Variants in SAMMSON observed in about 807,000 individuals in gnomAD.
The protein encoded by SAMMSON is long intergenic non-protein coding RNA 1212.
intron 7 of SAMMSON, among the ~76,000 whole-genome samples, chr3:70,295,776 A>T (rs1344092981): frequency 6.6e-6 from 1 of 152,178 alleles, no homozygotes. Context: ...ATATCTTTTG[A>T]TTCATGTTGA....
At chr3:70,005,116 G>T (rs190315858) in intron 1 of SAMMSON, among the ~76,000 whole-genome samples, 1 of 152,228 alleles carries the variant, frequency 6.6e-6, no homozygotes, top group Admixed American at 6.5e-5. Context: ...AAATTTCATT[G>T]AAGGGAAGAG....
chr3:70,429,188 A>G (rs879436406), intron 2 of SAMMSON, among the ~76,000 whole-genome samples: 11 of 152,126 alleles, frequency 7.2e-5, no homozygotes, highest in Admixed American at 7.2e-4. Flanking sequence ...GCATATGGCT[A>G]GCCAGTTTTC....
chr3:70,253,724 A>T (rs1343156942), intron 6 of SAMMSON, among the ~76,000 whole-genome samples: 1 of 152,172 alleles, frequency 6.6e-6, no homozygotes, highest in Non-Finnish European at 1.5e-5. Context: ...CCCCAACTCT[A>T]AAAAAAGTAA....
At chr3:70,196,284 C>T (rs2106715857) in intron 4 of SAMMSON, among the ~76,000 whole-genome samples, 1 of 152,262 alleles carries the variant, frequency 6.6e-6, no homozygotes, top group East Asian at 1.9e-4. Context: ...AATTATAGTA[C>T]TCTCTTGAAG....
intron 9 of SAMMSON, among the ~76,000 whole-genome samples, chr3:70,387,371 G>A (rs1041432876): frequency 6.6e-6 from 1 of 151,954 alleles, no homozygotes; most frequent in African/African-American, 2.4e-5. Context: ...TTATGAAGGA[G>A]ACTCTGTCCT....
At chr3:70,265,797 A>C (rs1701911629) in intron 6 of SAMMSON, among the ~76,000 whole-genome samples, 2 of 152,172 alleles carry the variant, frequency 1.3e-5, no homozygotes, top group Non-Finnish European at 2.9e-5. Context: ...GATGGGAGGC[A>C]CCTCTTCACA....
At chr3:70,153,988 CATA>C (rs1350068145) in intron 4 of SAMMSON, among the ~76,000 whole-genome samples, 2 of 151,878 alleles carry the variant, frequency 1.3e-5, no homozygotes, top group Admixed American at 6.6e-5. Flanking sequence ...TTTCACTTAG[CATA>C]ATGTCTTGAA....
At chr3:70,323,753 T>G (rs933961351) in intron 7 of SAMMSON, among the ~76,000 whole-genome samples, 2 of 152,150 alleles carry the variant, frequency 1.3e-5, no homozygotes, top group Non-Finnish European at 2.9e-5. Context: ...CCTTTTCTGC[T>G]GGCATACCTT....
At chr3:70,313,194 T>C (rs1055995886) in intron 7 of SAMMSON, among the ~76,000 whole-genome samples, 1 of 152,220 alleles carries the variant, frequency 6.6e-6, no homozygotes, top group Non-Finnish European at 1.5e-5. Context: ...CCAGACATGG[T>C]GGCTCACGCC....
At chr3:70,275,797 G>C (rs1199627568) in intron 6 of SAMMSON, among the ~76,000 whole-genome samples, 4 of 152,092 alleles carry the variant, frequency 2.6e-5, no homozygotes, top group African/African-American at 9.7e-5. Flanking sequence ...GCTATATGAG[G>C]ACCTGGTAAA....
chr3:70,170,065 G>A (rs1312930042), intron 4 of SAMMSON, among the ~76,000 whole-genome samples: 1 of 151,836 alleles, frequency 6.6e-6, no homozygotes, highest in Non-Finnish European at 1.5e-5. Context: ...ATTAAATACT[G>A]GAATAACTTG....
chr3:70,213,345 T>C (rs1328853859), intron 4 of SAMMSON, among the ~76,000 whole-genome samples: 1 of 152,148 alleles, frequency 6.6e-6, no homozygotes, highest in Non-Finnish European at 1.5e-5. Flanking sequence ...CAGAAGAGTA[T>C]ATGAAAATTA....
chr3:70,247,653 G>A (rs1701720637), intron 4 of SAMMSON, among the ~76,000 whole-genome samples: 1 of 151,418 alleles, frequency 6.6e-6, no homozygotes, highest in South Asian at 2.1e-4. Flanking sequence ...ATAGCACAAG[G>A]TAACTATTTT....
At chr3:70,280,268 C>T (rs1007954498) in intron 6 of SAMMSON, among the ~76,000 whole-genome samples, 2 of 152,116 alleles carry the variant, frequency 1.3e-5, no homozygotes, top group East Asian at 3.9e-4. Context: ...AATTTAGGTG[C>T]CACTCATGTG....
intron 4 of SAMMSON, among the ~76,000 whole-genome samples, chr3:70,181,555 A>G (rs931819208): frequency 7.9e-5 from 12 of 152,208 alleles, no homozygotes; most frequent in Non-Finnish European, 8.8e-5. Context: ...AATTGGGAAG[A>G]GTCCCCACCT....
intron 4 of SAMMSON, chr3:70,206,524 G>C (rs545307606): frequency 2.5e-6 from 1 of 397,236 alleles, no homozygotes; most frequent in South Asian, 1.3e-4. Flanking sequence ...GGGGATGGGG[G>C]TTGGGAGCTT....
At chr3:70,277,661 G>A (rs924682209) in intron 6 of SAMMSON, among the ~76,000 whole-genome samples, 6 of 152,102 alleles carry the variant, frequency 3.9e-5, no homozygotes, top group Admixed American at 6.5e-5. Flanking sequence ...AAGTATGGTC[G>A]AGTATGGGGA....
intron 2 of SAMMSON, among the ~76,000 whole-genome samples, chr3:70,404,031 T>C (rs1223445749): frequency 1.3e-5 from 2 of 152,076 alleles, no homozygotes; most frequent in African/African-American, 2.4e-5. Flanking sequence ...TCATCAATTT[T>C]CAAAATACTG....
At chr3:70,271,497 G>C (rs1252036006) in intron 6 of SAMMSON, among the ~76,000 whole-genome samples, 1 of 152,154 alleles carries the variant, frequency 6.6e-6, no homozygotes, top group Non-Finnish European at 1.5e-5. Flanking sequence ...AATTTTAAAT[G>C]TTATTTTGCT....
Sources: gnomAD v4.1 joint callset for allele counts (sites outside exome capture counted in the v4.1 genomes callset) on GRCh38, gnomAD v4.1.1 for gene constraint, MANE v1.5 for transcripts, NCBI Gene and HGNC (gene_info 2026-07-23, HGNC 2026-07-21) for gene names.